ASTN2: variants seen among roughly 807,000 people sequenced by gnomAD.
ASTN2 encodes the protein astrotactin 2.
ASTN2 carries 54 observed loss-of-function variants against 139.8 expected under a neutral mutation model. The observed-to-expected ratio is 0.39, with a 90% confidence interval of 0.31 to 0.48. The LOEUF (loss-of-function observed/expected upper bound fraction) is 0.48, where lower values mean the gene tolerates loss of function less well. Ranked by LOEUF, ASTN2 falls within the 20% of genes least tolerant of loss-of-function variation. The probability of loss-of-function intolerance (pLI) is 0.95; values close to 1 mark genes in which losing one functional copy is unlikely to be tolerated. For missense variants in ASTN2, 1,565 were observed against 1,725.1 expected (o/e 0.91, Z 1.64); for synonymous variants, 756 against 719.5 (o/e 1.05, Z -0.81).
intron 11 of ASTN2, among the ~76,000 whole-genome samples, chr9:116,854,144 G>A (rs117305650): frequency 1.0e-3 from 153 of 152,196 alleles, no homozygotes; most frequent in Non-Finnish European, 1.7e-3. Flanking sequence ...TTTCCCATCT[G>A]TAAGAAAAGG....
At chr9:116,997,313 A>G (rs867700422) in intron 7 of ASTN2, among the ~76,000 whole-genome samples, 1 of 152,168 alleles carries the variant, frequency 6.6e-6, no homozygotes, top group Non-Finnish European at 1.5e-5. Flanking sequence ...GACCTTAAAC[A>G]TCTTCTACAA....
At chr9:116,606,955 A>G (rs1219735834) in intron 19 of ASTN2, among the ~76,000 whole-genome samples, 1 of 152,134 alleles carries the variant, frequency 6.6e-6, no homozygotes, top group East Asian at 1.9e-4. Context: ...CAAAGATAAA[A>G]CTCAACTGAG....
chr9:116,745,546 C>G (rs138506320), intron 13 of ASTN2, among the ~76,000 whole-genome samples: 7 of 152,144 alleles, frequency 4.6e-5, no homozygotes. Flanking sequence ...GTTCTCTGCA[C>G]GTGTTTCCCA....
chr9:116,484,196 AAG>A (rs1414161401), intron 20 of ASTN2, among the ~76,000 whole-genome samples: 1 of 152,194 alleles, frequency 6.6e-6, no homozygotes, highest in African/African-American at 2.4e-5. Context: ...GAGAAGAAGA[AAG>A]TGGCTAACAC....
intron 13 of ASTN2, among the ~76,000 whole-genome samples, chr9:116,762,607 A>C (rs1596099): frequency 0.37 from 56,992 of 152,148 alleles, 11,587 homozygotes; most frequent in South Asian, 0.61. Flanking sequence ...TGCCTGGAAA[A>C]AAATTAAAAG....
chr9:116,892,587 T>A (rs561424559), intron 10 of ASTN2, among the ~76,000 whole-genome samples: 1 of 151,296 alleles, frequency 6.6e-6, no homozygotes, highest in East Asian at 1.9e-4. Context: ...TGACTTTTAA[T>A]CTATTTTTTT....
intron 1 of ASTN2, among the ~76,000 whole-genome samples, chr9:117,321,610 C>T (rs1828326579): frequency 6.6e-6 from 1 of 152,100 alleles, no homozygotes; most frequent in African/African-American, 2.4e-5. Context: ...GGAGGGGTCA[C>T]CATGGTGACA....
At chr9:116,562,465 G>A (rs1239267705) in intron 19 of ASTN2, among the ~76,000 whole-genome samples, 11 of 151,994 alleles carry the variant, frequency 7.2e-5, no homozygotes, top group African/African-American at 2.4e-4. Context: ...GGCTGGGCAC[G>A]GTGGCTCACA....
At chr9:116,853,527 G>A (rs370198127) in intron 11 of ASTN2, among the ~76,000 whole-genome samples, 27 of 151,984 alleles carry the variant, frequency 1.8e-4, no homozygotes, top group Non-Finnish European at 2.8e-4. Context: ...GCAGACCCAC[G>A]GCCTCATTTA....
intron 20 of ASTN2, among the ~76,000 whole-genome samples, chr9:116,446,881 T>G (rs1235477048): frequency 1.3e-5 from 2 of 152,204 alleles, no homozygotes; most frequent in Non-Finnish European, 2.9e-5. Flanking sequence ...GGAAAATGCC[T>G]TGGGATAACT....
At chr9:116,815,682 G>A (rs963444410) in intron 12 of ASTN2, among the ~76,000 whole-genome samples, 9 of 151,530 alleles carry the variant, frequency 5.9e-5, no homozygotes, top group Admixed American at 3.9e-4. Flanking sequence ...GTGGGCACCT[G>A]TAGTCCCAAC....
At chr9:116,442,338 C>T in intron 21 of ASTN2, 115 bp downstream of exon 21, 1 of 817,858 alleles carries the variant, frequency 1.2e-6, no homozygotes, top group Admixed American at 1.9e-5. Context: ...ATTTCTTCTC[C>T]CTGTGCCAGT....
At chr9:116,774,378 C>T (rs1410917375) in intron 13 of ASTN2, among the ~76,000 whole-genome samples, 1 of 152,146 alleles carries the variant, frequency 6.6e-6, no homozygotes, top group Non-Finnish European at 1.5e-5. Context: ...AAAAGGTATC[C>T]TGGATCCATG....
At chr9:117,349,277 C>T (rs1829318216) in intron 1 of ASTN2, among the ~76,000 whole-genome samples, 1 of 152,102 alleles carries the variant, frequency 6.6e-6, no homozygotes, top group Admixed American at 6.5e-5. Context: ...CTCTGCCTGG[C>T]CTTAGAAGTC....
At chr9:116,463,199 T>C (rs1848545503) in intron 20 of ASTN2, among the ~76,000 whole-genome samples, 1 of 152,096 alleles carries the variant, frequency 6.6e-6, no homozygotes, top group Non-Finnish European at 1.5e-5. Flanking sequence ...CCCGGCCAAT[T>C]AGAACCATCT....
At chr9:117,168,205 A>G (rs1450075426) in intron 3 of ASTN2, among the ~76,000 whole-genome samples, 1 of 152,134 alleles carries the variant, frequency 6.6e-6, no homozygotes, top group African/African-American at 2.4e-5. Context: ...AGGATGATGG[A>G]TGAGCTAAGA....
chr9:116,810,903 C>T (rs886322571), intron 12 of ASTN2, among the ~76,000 whole-genome samples: 65 of 152,082 alleles, frequency 4.3e-4, no homozygotes, highest in African/African-American at 1.6e-3. Context: ...TTTCTATATC[C>T]TCATGACTCA....
intron 2 of ASTN2, among the ~76,000 whole-genome samples, chr9:117,244,579 G>GGA (rs1198012131): frequency 4.5e-4 from 4 of 8,844 alleles, no homozygotes; most frequent in African/African-American, 5.7e-4. Context: ...GGAAGGGAGG[G>GGA]AGGGAGGGAG....
intron 2 of ASTN2, among the ~76,000 whole-genome samples, chr9:117,271,657 C>T (rs10983598): frequency 0.065 from 9,828 of 152,166 alleles, 426 homozygotes; most frequent in South Asian, 0.13. Flanking sequence ...ATCGGGTAAA[C>T]ACGGCTGTTC....
Sources: gnomAD v4.1 joint callset for allele counts (sites outside exome capture counted in the v4.1 genomes callset) on GRCh38, gnomAD v4.1.1 for gene constraint, MANE v1.5 for transcripts, NCBI Gene and HGNC (gene_info 2026-07-23, HGNC 2026-07-21) for gene names.